Variants in CDH10 observed in about 807,000 individuals in gnomAD.
CDH10 encodes cadherin-10.
A neutral mutation model predicts 73.1 loss-of-function variants in CDH10; 30 were observed. The ratio of observed to expected loss-of-function variants is 0.41; its 90% CI spans 0.31 to 0.56. The LOEUF (loss-of-function observed/expected upper bound fraction) is 0.56. Ranked by LOEUF, CDH10 falls within the 20% of genes least tolerant of loss-of-function variation. The probability of loss-of-function intolerance (pLI) is 0.27; values close to 1 mark genes in which losing one functional copy is unlikely to be tolerated. For missense variants in CDH10, 815 were observed against 973.7 expected, an observed-to-expected ratio of 0.84 and a Z score of 2.17; for synonymous variants, 345 against 348.2, an observed-to-expected ratio of 0.99 and a Z score of 0.10.
chr5:24,515,854 G>T (rs918555868), intron 5 of CDH10, among the ~76,000 whole-genome samples: 15 of 152,034 alleles, frequency 9.9e-5, no homozygotes, highest in Non-Finnish European at 1.8e-4. Flanking sequence ...ATCCTGTTCT[G>T]GTGAGAGTGA....
intron 5 of CDH10, among the ~76,000 whole-genome samples, chr5:24,514,830 A>C (rs1205480977): frequency 6.6e-6 from 1 of 152,026 alleles, no homozygotes; most frequent in Non-Finnish European, 1.5e-5. Context: ...TTTTAAATAT[A>C]AGGAATATTT....
intron 3 of CDH10, among the ~76,000 whole-genome samples, chr5:24,536,194 C>T (rs73067142): frequency 0.037 from 5,643 of 151,950 alleles, 327 homozygotes; most frequent in African/African-American, 0.13. Context: ...TTCTTCTTCC[C>T]CCTCTCCACT....
At chr5:24,527,019 T>C (rs10069640) in intron 5 of CDH10, among the ~76,000 whole-genome samples, 3,474 of 151,790 alleles carry the variant, frequency 0.023, 141 homozygotes, top group African/African-American at 0.077. Context: ...GGAAAATTCT[T>C]ATTCATTTTA....
At chr5:24,513,352 A>C (rs2111777772) in intron 5 of CDH10, among the ~76,000 whole-genome samples, 1 of 152,044 alleles carries the variant, frequency 6.6e-6, no homozygotes, top group African/African-American at 2.4e-5. Flanking sequence ...CTCTCACATA[A>C]AATTCCTTCC....
intron 5 of CDH10, among the ~76,000 whole-genome samples, chr5:24,523,901 A>G (rs74915685): frequency 0.015 from 2,219 of 152,244 alleles, 54 homozygotes; most frequent in African/African-American, 0.047. Context: ...TGATGATACA[A>G]TATAACTATA....
At chr5:24,565,169 AAGAAG>A in intron 2 of CDH10, among the ~76,000 whole-genome samples, 1 of 152,330 alleles carries the variant, frequency 6.6e-6, no homozygotes, top group South Asian at 2.1e-4. Context: ...TTGTTTAGGA[AAGAAG>A]AGAAGAAAAA....
chr5:24,512,673 G>A (rs968665301), intron 5 of CDH10, among the ~76,000 whole-genome samples: 2 of 152,128 alleles, frequency 1.3e-5, no homozygotes, highest in Non-Finnish European at 2.9e-5. Flanking sequence ...ACCTAGATGT[G>A]CTTCCAGCAT....
chr5:24,533,995 T>C (rs1291957117), intron 5 of CDH10, among the ~76,000 whole-genome samples: 2 of 152,060 alleles, frequency 1.3e-5, no homozygotes, highest in Non-Finnish European at 2.9e-5. Context: ...TCCAAATACA[T>C]GCTTTTAAAC....
At chr5:24,511,281 C>T (rs767149127) in intron 6 of CDH10, 46 bp downstream of exon 6, 41 of 1,172,802 alleles carry the variant, frequency 3.5e-5, no homozygotes, top group Non-Finnish European at 4.9e-5. Context: ...AATGCAATCC[C>T]TACTCCTGAA....
At chr5:24,547,212 T>C (rs1744377383) in intron 2 of CDH10, among the ~76,000 whole-genome samples, 1 of 152,244 alleles carries the variant, frequency 6.6e-6, no homozygotes, top group South Asian at 2.1e-4. Context: ...TAAACATCTG[T>C]AATTTATCTT....
At chr5:24,638,514 T>C (rs1047014408) in intron 1 of CDH10, among the ~76,000 whole-genome samples, 1 of 151,732 alleles carries the variant, frequency 6.6e-6, no homozygotes, top group African/African-American at 2.4e-5. Context: ...TTTTAACTCA[T>C]CTCCAAAGGA....
intron 9 of CDH10, among the ~76,000 whole-genome samples, chr5:24,497,473 A>G (rs1440145894): frequency 6.6e-6 from 1 of 152,192 alleles, no homozygotes; most frequent in African/African-American, 2.4e-5. Flanking sequence ...AGTTAAAAAA[A>G]ATGAATCAAA....
intron 2 of CDH10, among the ~76,000 whole-genome samples, chr5:24,564,331 C>G (rs1166825688): frequency 6.6e-6 from 1 of 152,208 alleles, no homozygotes; most frequent in Non-Finnish European, 1.5e-5. Flanking sequence ...GTAGAGAATA[C>G]TAATTGGCAT....
At chr5:24,557,373 CATT>C (rs1204496107) in intron 2 of CDH10, among the ~76,000 whole-genome samples, 1 of 151,630 alleles carries the variant, frequency 6.6e-6, no homozygotes. Context: ...TTTACAGAAT[CATT>C]ATTATTTCCC....
intron 2 of CDH10, among the ~76,000 whole-genome samples, chr5:24,539,757 T>C (rs1295130397): frequency 6.6e-6 from 1 of 152,076 alleles, no homozygotes; most frequent in East Asian, 1.9e-4. Context: ...ATGTGACTTT[T>C]ATCCAGGAAA....
chr5:24,627,525 G>A (rs917434803), intron 1 of CDH10, among the ~76,000 whole-genome samples: 1 of 152,104 alleles, frequency 6.6e-6, no homozygotes, highest in East Asian at 1.9e-4. Flanking sequence ...TGGAGGAGCA[G>A]GGACCATATT....
chr5:24,602,400 A>C (rs1746596001), intron 1 of CDH10, among the ~76,000 whole-genome samples: 1 of 152,154 alleles, frequency 6.6e-6, no homozygotes, highest in Admixed American at 6.5e-5. Context: ...CCATTCATTC[A>C]GTTTAATTGC....
At chr5:24,569,355 TA>T (rs1433866113) in intron 2 of CDH10, among the ~76,000 whole-genome samples, 2 of 152,072 alleles carry the variant, frequency 1.3e-5, no homozygotes, top group African/African-American at 4.8e-5. Context: ...ACTGTACACT[TA>T]AAAATGGCTA....
At chr5:24,599,539 T>G (rs1013036540) in intron 1 of CDH10, among the ~76,000 whole-genome samples, 6 of 152,168 alleles carry the variant, frequency 3.9e-5, no homozygotes, top group Non-Finnish European at 8.8e-5. Context: ...ACTATGCACT[T>G]TAGTGTGTTC....
Sources: gnomAD v4.1 joint callset for allele counts (sites outside exome capture counted in the v4.1 genomes callset) on GRCh38, gnomAD v4.1.1 for gene constraint, MANE v1.5 for transcripts, NCBI Gene and HGNC (gene_info 2026-07-23, HGNC 2026-07-21) for gene names.